Variants in TYW1 observed in about 807,000 individuals in gnomAD.
TYW1 encodes tRNA-yW synthesizing protein 1 homolog, also known as S-adenosyl-L-methionine-dependent tRNA 4-demethylwyosine synthase TYW1.
In TYW1, 46 loss-of-function variants were observed where a neutral mutation model predicts 96.2. That is an observed-to-expected ratio of 0.48 (90% CI 0.38 to 0.61). TYW1 has a LOEUF of 0.61. TYW1 is among the 20% of genes least tolerant of loss of function. The pLI is 0.00. For synonymous variants in TYW1, 274 were observed against 323.0 expected, an observed-to-expected ratio of 0.85 and a Z score of 1.63; for missense variants, 684 against 909.6, an observed-to-expected ratio of 0.75 and a Z score of 3.19.
intron 3 of TYW1, among the ~76,000 whole-genome samples, chr7:67,003,396 C>G (rs1364826390): frequency 6.6e-6 from 1 of 151,686 alleles, no homozygotes; most frequent in Non-Finnish European, 1.5e-5. Flanking sequence ...TTCACTGCTA[C>G]TCCCCTGGTC....
At chr7:67,213,925 G>A (rs1368089960) in intron 15 of TYW1, among the ~76,000 whole-genome samples, 1 of 152,052 alleles carries the variant, frequency 6.6e-6, no homozygotes, top group African/African-American at 2.4e-5. Context: ...TAACTTTATA[G>A]TAAGTTTTGA....
chr7:67,057,019 CTTT>C (rs770339972), intron 9 of TYW1, among the ~76,000 whole-genome samples: 1 of 138,782 alleles, frequency 7.2e-6, no homozygotes, highest in African/African-American at 2.6e-5. Context: ...TTTTTCTTTT[CTTT>C]TTTTTTTTTT....
intron 15 of TYW1, among the ~76,000 whole-genome samples, chr7:67,229,928 G>A (rs1801694943): frequency 6.6e-6 from 1 of 152,174 alleles, no homozygotes; most frequent in Non-Finnish European, 1.5e-5. Flanking sequence ...CTCCAGTCTG[G>A]GTGACAGAGG....
chr7:67,020,447 C>T (rs1011772771), intron 6 of TYW1, among the ~76,000 whole-genome samples: 3 of 133,118 alleles, frequency 2.3e-5, no homozygotes, highest in Admixed American at 7.7e-5. Flanking sequence ...ACCACATTAG[C>T]CAGGATGGTC....
At chr7:67,015,786 C>G (rs1381915430) in intron 5 of TYW1, among the ~76,000 whole-genome samples, 1 of 152,022 alleles carries the variant, frequency 6.6e-6, no homozygotes, top group Non-Finnish European at 1.5e-5. Flanking sequence ...CATGCTGAAG[C>G]CCCGTCTCTG....
chr7:67,220,871 G>A (rs1206520971), intron 15 of TYW1, among the ~76,000 whole-genome samples: 1 of 151,928 alleles, frequency 6.6e-6, no homozygotes, highest in African/African-American at 2.4e-5. Flanking sequence ...CCGAGTAGCT[G>A]GGATTACAGG....
chr7:67,195,758 A>T, intron 15 of TYW1, among the ~76,000 whole-genome samples: 1 of 150,730 alleles, frequency 6.6e-6, no homozygotes, highest in Non-Finnish European at 1.5e-5. Context: ...GCATCTGGAG[A>T]ATTTTGTTTG....
rs562754188 is a variant in TYW1 at position 67,015,878 on chromosome 7, G to C, written c.570+1317G>C. The stretch of plus-strand genomic sequence containing the variant: ...CTCGGGAGGCTGAGGCAGGAGAATG[G>C]CGTGTACTCGGGAGGCAGAGCTTGC... On this transcript the variant is annotated intron_variant, in intron 5 of 15. Coordinates refer to ENST00000359626, the MANE Select transcript of TYW1 (RefSeq NM_018264.4). Among the ~76,000 whole-genome samples, 11 of 151,730 alleles carry C rather than the reference G, an allele frequency of 7.2e-5. No homozygotes were observed. In the East Asian group the frequency reaches 2.1e-3, roughly 30 times the overall value.
At chr7:67,208,385 G>A (rs1182912942) in intron 15 of TYW1, among the ~76,000 whole-genome samples, 1 of 151,214 alleles carries the variant, frequency 6.6e-6, no homozygotes, top group East Asian at 2.0e-4. Flanking sequence ...AATGTAAAGT[G>A]ATTCTTTTAA....
chr7:67,141,219 A>G (rs762695987), intron 13 of TYW1, among the ~76,000 whole-genome samples: 4 of 152,218 alleles, frequency 2.6e-5, no homozygotes, highest in African/African-American at 7.2e-5. Flanking sequence ...TAAATGCTCA[A>G]TAAATATTTG....
intron 15 of TYW1, among the ~76,000 whole-genome samples, chr7:67,213,888 C>T (rs1012221917): frequency 2.6e-5 from 4 of 152,066 alleles, no homozygotes; most frequent in Admixed American, 2.6e-4. Flanking sequence ...CTGTTCTTTC[C>T]CCAATACCAT....
chr7:67,197,958 T>G (rs1584685093), intron 15 of TYW1, among the ~76,000 whole-genome samples: 2 of 65,368 alleles, frequency 3.1e-5, no homozygotes, highest in Non-Finnish European at 6.1e-5. Context: ...TCCCTACCCC[T>G]GCCCCCCGCC....
Position 67,017,908 on chromosome 7 carries a change from G to C in TYW1, c.626G>C (p.Ser209Thr). Residue 209 changes from serine to threonine, a missense_variant, in exon 6 of 16, where the codon AGT (serine) becomes ACT (threonine). Ser to Thr is a moderately conservative substitution (Grantham distance 58, BLOSUM62 1). Transcript: ENST00000359626. ...LWMLGAHRVM[S>T]RGEGDCDVVK... ...ATGCTTGGCGCGCATCGTGTGATGA[G>C]TCGAGGGGAGGGCGACTGCGACGTG... The C allele has an allele frequency of 6.2e-7, 1 of 1,614,168 alleles. No individual in the cohort carries two copies. The highest frequency in any genetic ancestry group is 2.2e-5 in the East Asian group (1 of 44,882).
intron 15 of TYW1, among the ~76,000 whole-genome samples, chr7:67,214,174 AT>A (rs946647150): frequency 2.0e-5 from 3 of 152,000 alleles, no homozygotes; most frequent in Non-Finnish European, 2.9e-5. Flanking sequence ...AATATGCCTG[AT>A]TTTTTTTAAT....
intron 11 of TYW1, among the ~76,000 whole-genome samples, chr7:67,097,647 C>T (rs1007197598): frequency 6.6e-6 from 1 of 152,152 alleles, no homozygotes; most frequent in African/African-American, 2.4e-5. Context: ...ATCTGCCCAC[C>T]TTGGCCTCCC....
At chr7:66,999,813 C>G (rs543353398) in intron 3 of TYW1, among the ~76,000 whole-genome samples, 1 of 152,296 alleles carries the variant, frequency 6.6e-6, no homozygotes, top group East Asian at 1.9e-4. Context: ...GTAGTGCCAT[C>G]TAAGCTTCAG....
intron 9 of TYW1, among the ~76,000 whole-genome samples, chr7:67,057,264 C>T (rs558975300): frequency 8.2e-4 from 125 of 152,064 alleles, no homozygotes; most frequent in Middle Eastern, 6.8e-3. Flanking sequence ...CTGCCCACCT[C>T]GGCCTCCCAA....
chr7:67,092,752 G>A (rs1471443797), intron 11 of TYW1, among the ~76,000 whole-genome samples: 1 of 133,268 alleles, frequency 7.5e-6, no homozygotes, highest in East Asian at 2.3e-4. Flanking sequence ...GTGAGATCTC[G>A]GCTCACTGCA....
chr7:67,149,006 C>T (rs1798704537), intron 13 of TYW1, among the ~76,000 whole-genome samples: 1 of 152,108 alleles, frequency 6.6e-6, no homozygotes, highest in African/African-American at 2.4e-5. Context: ...GCGCACCACC[C>T]CCAACCCCCG....
Sources: gnomAD v4.1 joint callset for allele counts (sites outside exome capture counted in the v4.1 genomes callset) on GRCh38, gnomAD v4.1.1 for gene constraint, MANE v1.5 for transcripts, NCBI Gene and HGNC (gene_info 2026-07-23, HGNC 2026-07-21) for gene names.